Variants in CDC25A observed in about 807,000 individuals in gnomAD.
CDC25A encodes the protein cell division cycle 25A.
A neutral mutation model predicts 64.6 loss-of-function variants in CDC25A; 17 were observed. The observed-to-expected ratio is 0.26, with a 90% CI of 0.18 to 0.39. The LOEUF (loss-of-function observed/expected upper bound fraction) is 0.39, where lower values mean the gene tolerates loss of function less well. Among genes scored for constraint, CDC25A ranks in the 10% least tolerant of loss-of-function variants. CDC25A has a pLI of 1.00. For missense variants in CDC25A, 473 were observed against 654.8 expected, an observed-to-expected ratio of 0.72 and a Z score of 3.03; for synonymous variants, 229 against 238.6, an observed-to-expected ratio of 0.96 and a Z score of 0.37.
intron 13 of CDC25A, among the ~76,000 whole-genome samples, chr3:48,159,941 A>G (rs2031678231): frequency 6.6e-6 from 1 of 152,038 alleles, no homozygotes; most frequent in African/African-American, 2.4e-5. Context: ...ATGGCTGCTT[A>G]CTGCCTCGCC....
chr3:48,183,882 G>A (rs770954171), intron 3 of CDC25A, 46 bp from the exon 4 acceptor site: 13 of 1,241,578 alleles, frequency 1.0e-5, no homozygotes, highest in Admixed American at 1.7e-5. Flanking sequence ...AACAAGTAAA[G>A]AGGTATTCAT....
chr3:48,182,870 C>T, intron 5 of CDC25A, 59 bp downstream of exon 5: 1 of 1,116,386 alleles, frequency 9.0e-7, no homozygotes, highest in Non-Finnish European at 1.4e-6. Context: ...ACTTCTAAGC[C>T]ACTGACAGCC....
intron 9 of CDC25A, among the ~76,000 whole-genome samples, chr3:48,170,854 A>G (rs1296296987): frequency 1.3e-5 from 2 of 152,176 alleles, no homozygotes; most frequent in Admixed American, 1.3e-4. Context: ...GAAGAAGACT[A>G]AATATATATT....
chr3:48,162,559 T>C (rs2031819180), intron 13 of CDC25A, among the ~76,000 whole-genome samples: 1 of 151,784 alleles, frequency 6.6e-6, no homozygotes. Flanking sequence ...AGCTTTAAAA[T>C]GGTTCAGGTC....
chr3:48,183,096 T>A, intron 4 of CDC25A, 66 bp from the exon 5 acceptor site: 1 of 1,157,494 alleles, frequency 8.6e-7, no homozygotes, highest in Non-Finnish European at 1.3e-6. Flanking sequence ...AATTCAGTTC[T>A]CAAAAGAAAA....
In CDC25A at chr3:48,158,481, A is replaced by G. The variant is rs1476017179; in HGVS notation, c.*464T>C. 1.3e-5 allele frequency: 2 copies of G among 153,060 alleles called. No individual in the cohort carries two copies. Among genetic ancestry groups the G allele is most frequent in the Non-Finnish European group, 2.9e-5 (2 of 68,392 alleles). 9.5% of individuals were successfully genotyped at this position (153,060 alleles called of 1,614,324 possible). A position where few individuals can be genotyped will look rare whatever the true frequency, so the allele number is the denominator to read the frequency against. On this transcript the variant is annotated 3_prime_UTR_variant, in exon 15 of 15. Coordinates refer to ENST00000302506, the MANE Select transcript of CDC25A (RefSeq NM_001789.3). ...AAGTCTCCAGGAGTTAGAAAAAAAAATAAAATAAAGTGATTGATGAAGTTG... is the reference window on the plus strand; with the variant it reads ...AAGTCTCCAGGAGTTAGAAAAAAAAGTAAAATAAAGTGATTGATGAAGTTG...
In CDC25A at chr3:48,167,749, T is replaced by G. The variant is rs1030770587; in HGVS notation, c.1029+97A>C. ...TTTTAACTGTGTCCTTTTGGAGGTA[T>G]GCCAGGAACCACCCTGGGGAGGGAG... On this transcript the variant is annotated intron_variant, in intron 10 of 14. Transcript: ENST00000302506. 13 of 713,842 alleles carry G rather than the reference T, an allele frequency of 1.8e-5. No individual in the cohort carries two copies. In the African/African-American group the frequency reaches 2.3e-4, roughly 12 times the overall value. 44.2% of individuals were successfully genotyped at this position (713,842 alleles called of 1,614,324 possible).
At chr3:48,178,704 C>G (rs955363234) in intron 6 of CDC25A, among the ~76,000 whole-genome samples, 1 of 152,194 alleles carries the variant, frequency 6.6e-6, no homozygotes, top group African/African-American at 2.4e-5. Flanking sequence ...ACCACACTAT[C>G]TCCCTAGGAG....
In CDC25A at chr3:48,188,132, C is replaced by G. The variant is rs2032918759; in HGVS notation, c.-185G>C. Reference sequence around the variant, plus strand: ...CGGCGCGGCCGGGCGGGTGTGCGGACCCTCCAGGCGCCAGCCACCAGCCAC... The same window carrying G: ...CGGCGCGGCCGGGCGGGTGTGCGGAGCCTCCAGGCGCCAGCCACCAGCCAC... On this transcript the variant is annotated 5_prime_UTR_variant, in exon 1 of 15. Coordinates refer to ENST00000302506, the MANE Select transcript of CDC25A (RefSeq NM_001789.3). 1.2e-5 allele frequency: 5 copies of G among 408,912 alleles called. No individual in the cohort carries two copies. Among genetic ancestry groups the G allele is most frequent in the Admixed American group, 9.4e-5 (2 of 21,246 alleles). 25.3% of individuals were successfully genotyped at this position (408,912 alleles called of 1,614,324 possible).
At chr3:48,180,546 G>A (rs558375281) in intron 6 of CDC25A, among the ~76,000 whole-genome samples, 175 bp downstream of exon 6, 1 of 152,226 alleles carries the variant, frequency 6.6e-6, no homozygotes, top group South Asian at 2.1e-4. Context: ...ACTACCGCCT[G>A]TCTGTTCTCC....
intron 8 of CDC25A, chr3:48,174,687 G>A (rs767956032): frequency 8.3e-5 from 30 of 362,818 alleles, no homozygotes; most frequent in Non-Finnish European, 1.4e-4. Flanking sequence ...ATATAGAGAT[G>A]AGCAAAACGT....
chr3:48,184,744 T>A (rs1470474247), intron 2 of CDC25A, 49 bp from the exon 3 acceptor site: 2 of 1,379,938 alleles, frequency 1.4e-6, no homozygotes, highest in East Asian at 4.6e-5. Context: ...AAAACACCAT[T>A]TTGTCATTAA....
At chr3:48,181,650 G>A (rs751840365) in intron 5 of CDC25A, 26 of 1,197,234 alleles carry the variant, frequency 2.2e-5, no homozygotes, top group Non-Finnish European at 2.9e-5. Flanking sequence ...AGTGATGAAC[G>A]GCTAACTACC....
intron 2 of CDC25A, among the ~76,000 whole-genome samples, 182 bp from the exon 3 acceptor site, chr3:48,184,877 C>T (rs1414933482): frequency 6.6e-6 from 1 of 152,056 alleles, no homozygotes; most frequent in Admixed American, 6.6e-5. Flanking sequence ...CATGTTTGTA[C>T]AAGTCTTAAT....
chr3:48,177,495 G>T, intron 7 of CDC25A, 53 bp from the exon 8 acceptor site: 1 of 1,364,946 alleles, frequency 7.3e-7, no homozygotes, highest in Non-Finnish European at 1.0e-6. Context: ...ACTAACATTT[G>T]TTTAAGTGCT....
chr3:48,187,077 C>T (rs3731491), intron 1 of CDC25A, among the ~76,000 whole-genome samples: 6,003 of 152,238 alleles, frequency 0.039, 404 homozygotes, highest in African/African-American at 0.13. Context: ...GAGACAGAGT[C>T]GGGATGAAAG....
chr3:48,177,790 A>C (rs1395387010), intron 7 of CDC25A, 64 bp downstream of exon 7: 1 of 1,589,564 alleles, frequency 6.3e-7, no homozygotes, highest in Non-Finnish European at 8.6e-7. Flanking sequence ...TTCACATCAC[A>C]TGCCTTCTCC....
rs1433950537 is a variant in CDC25A, at chr3:48,158,127, G to A, written c.*818C>T. ...CTATACCAGCCAATGTCATGGAACT[G>A]GGGTGAGGAAGAACAGGGCCACACC... is the stretch of plus-strand genomic sequence containing the variant. On this transcript the variant is annotated 3_prime_UTR_variant, in exon 15 of 15. Transcript: ENST00000302506. The A allele has an allele frequency of 1.3e-5, 2 of 152,540 alleles. No homozygotes were observed. Among genetic ancestry groups the A allele is most frequent in the African/African-American group, 4.8e-5 (2 of 41,400 alleles). 9.4% of individuals were successfully genotyped at this position (152,540 alleles called of 1,614,324 possible).
intron 10 of CDC25A, 84 bp from the exon 11 acceptor site, chr3:48,165,977 G>C: frequency 1.0e-6 from 1 of 980,044 alleles, no homozygotes; most frequent in South Asian, 1.4e-5. Flanking sequence ...CTGGTAGGAG[G>C]CATCTTTTAA....
Sources: allele counts gnomAD v4.1 joint callset (sites outside exome capture counted in the v4.1 genomes callset), GRCh38; gene constraint gnomAD v4.1.1; transcripts MANE v1.5; gene names NCBI Gene and HGNC (gene_info 2026-07-23, HGNC 2026-07-21).